The following PCSK1 variants were observed in gnomAD, a reference collection of about 807,000 sequenced individuals.
PCSK1 encodes the protein neuroendocrine convertase 1.
In PCSK1, 56 loss-of-function variants were observed where a neutral mutation model predicts 90.6. The observed-to-expected ratio is 0.62, with a 90% CI of 0.50 to 0.77. The LOEUF is 0.77. Ranked by LOEUF, PCSK1 falls within the 30% of genes least tolerant of loss-of-function variation. PCSK1 has a pLI of 0.00. For synonymous variants in PCSK1, 348 were observed against 342.4 expected (o/e 1.02, Z -0.18); for missense variants, 801 against 932.6 (o/e 0.86, Z 1.84).
chr5:96,395,177 T>C (rs925133244), intron 12 of PCSK1, 152 bp from the exon 13 acceptor site: 40 of 695,722 alleles, frequency 5.7e-5, no homozygotes, highest in Non-Finnish European at 9.0e-5. Flanking sequence ...ACTCTTGCTA[T>C]AAAAATTGAC....
intron 13 of PCSK1, among the ~76,000 whole-genome samples, chr5:96,394,049 G>T (rs969694013): frequency 6.6e-6 from 1 of 152,192 alleles, no homozygotes; most frequent in Non-Finnish European, 1.5e-5. Flanking sequence ...AATATAAATG[G>T]AACTAGAATT....
In PCSK1 at chr5:96,417,285, A is replaced by G. The variant is rs3811944; in HGVS notation, c.621-1164T>C. On this transcript the variant is annotated intron_variant, in intron 5 of 13. Coordinates refer to ENST00000311106, the MANE Select transcript of PCSK1 (RefSeq NM_000439.5). ...CACAAAATAAGATTCCTGCTCCTTCATGTTAATCCTGGCTAGGAATTCTAA... is the reference window on the plus strand; with the variant it reads ...CACAAAATAAGATTCCTGCTCCTTCGTGTTAATCCTGGCTAGGAATTCTAA... Among the ~76,000 whole-genome samples the G allele has an allele frequency of 2.6e-5, 4 of 152,304 alleles. No homozygotes were observed. The East Asian group carries it at 7.7e-4, about 29-fold the overall frequency.
chr5:96,407,098 A>G (rs1433773218), intron 9 of PCSK1, among the ~76,000 whole-genome samples: 5 of 152,230 alleles, frequency 3.3e-5, no homozygotes, highest in African/African-American at 1.2e-4. Flanking sequence ...CATATAATTA[A>G]TGTTTATCTA....
At chr5:96,414,502 A>G (rs965791601) in intron 6 of PCSK1, among the ~76,000 whole-genome samples, 2 of 152,212 alleles carry the variant, frequency 1.3e-5, no homozygotes, top group African/African-American at 4.8e-5. Context: ...TACACTGCCT[A>G]TAATATTTGT....
intron 3 of PCSK1, 74 bp from the exon 4 acceptor site, chr5:96,423,533 C>A: frequency 7.6e-7 from 1 of 1,311,314 alleles, no homozygotes; most frequent in Non-Finnish European, 1.1e-6. Context: ...TCAGTTCCAA[C>A]CTGGAGACCC....
Position 96,390,640 on chromosome 5 carries a change from A to G in PCSK1, c.*2361T>C, listed in dbSNP as rs1342269580. ...TCAGGAAAACTTTTGGTTCTTTAATATAATTTATTATGCTCTTTAAAATTC... is the reference window on the plus strand; with the variant it reads ...TCAGGAAAACTTTTGGTTCTTTAATGTAATTTATTATGCTCTTTAAAATTC... On this transcript the variant is annotated 3_prime_UTR_variant, in exon 14 of 14. Transcript: ENST00000311106. The G allele has an allele frequency of 6.6e-6, 1 of 152,616 alleles. No individual in the cohort carries two copies. The highest frequency in any genetic ancestry group is 2.4e-5 in the African/African-American group (1 of 41,466). The allele number at this position is 152,616 out of a possible 1,614,324, so 9.5% of individuals were successfully genotyped here.
At chr5:96,410,442 G>T (rs1242025418) in intron 8 of PCSK1, among the ~76,000 whole-genome samples, 1 of 151,972 alleles carries the variant, frequency 6.6e-6, no homozygotes, top group East Asian at 1.9e-4. Context: ...CTACAACCCT[G>T]AGATCTCCTT....
intron 6 of PCSK1, among the ~76,000 whole-genome samples, chr5:96,413,228 G>GT (rs1183325741): frequency 5.3e-5 from 8 of 152,244 alleles, no homozygotes; most frequent in African/African-American, 1.9e-4. Flanking sequence ...ACCCCCAAGG[G>GT]GAATCATTTT....
At chr5:96,407,102 TTATC>T (rs1760597434) in intron 9 of PCSK1, among the ~76,000 whole-genome samples, 1 of 152,214 alleles carries the variant, frequency 6.6e-6, no homozygotes, top group Non-Finnish European at 1.5e-5. Context: ...TAATTAATGT[TTATC>T]TAATTTGGGG....
At chr5:96,399,096 G>T (rs1760263081) in intron 10 of PCSK1, 60 bp from the exon 11 acceptor site, 2 of 1,201,346 alleles carry the variant, frequency 1.7e-6, no homozygotes, top group Non-Finnish European at 2.4e-6. Flanking sequence ...TGCATTTTAT[G>T]CATATCTGCA....
intron 6 of PCSK1, 66 bp downstream of exon 6, chr5:96,415,967 A>G (rs988749068): frequency 3.2e-5 from 33 of 1,015,826 alleles, no homozygotes; most frequent in Non-Finnish European, 4.9e-5. Context: ...CCCCTCCCCC[A>G]TTTACAATGG....
In PCSK1 at chr5:96,393,042, G is replaced by T; in HGVS notation, c.2221C>A (p.Leu741Met). Residue 741 changes from leucine to methionine, a missense_variant, in exon 14 of 14, where the codon CTG becomes ATG. By Grantham distance (15) the Leu-to-Met change is conservative. Transcript: ENST00000311106. ...TKPYKHRDDR[L>M]LQALVDILNE... ...AGAATGTCCACCAGAGCTTGAAGCAGCCGGTCGTCTCTGTGCTTGTAAGGT... is the reference window on the plus strand; with the variant it reads ...AGAATGTCCACCAGAGCTTGAAGCATCCGGTCGTCTCTGTGCTTGTAAGGT... The T allele has an allele frequency of 6.2e-7, 1 of 1,614,132 alleles. No homozygotes were observed.
chr5:96,427,134 G>A (rs115125878), intron 2 of PCSK1, among the ~76,000 whole-genome samples: 3,744 of 152,248 alleles, frequency 0.025, 153 homozygotes, highest in African/African-American at 0.086. Flanking sequence ...AAGATAGACT[G>A]TTGCTGCATT....
Position 96,421,958 on chromosome 5 carries a change from TA to T in PCSK1, c.544-3del. On this transcript the variant is annotated splice_region_variant and splice_polypyrimidine_tract_variant and intron_variant, in intron 4 of 13. Transcript: ENST00000311106. The stretch of plus-strand genomic sequence containing the variant: ...AAAATCATAGCTAGCCTCTGGATCC[TA>T]AAGAGACAACAAAATATAACACTGT... The T allele has an allele frequency of 8.4e-7, 1 of 1,192,722 alleles. No homozygotes were observed. Among genetic ancestry groups the T allele is most frequent in the Non-Finnish European group, 1.2e-6 (1 of 844,432 alleles). 73.9% of individuals were successfully genotyped at this position (1,192,722 alleles called of 1,614,324 possible). A position where few individuals can be genotyped will look rare whatever the true frequency, so the allele number is the denominator to read the frequency against.
Position 96,416,092 on chromosome 5 carries a change from G to A in PCSK1, c.650C>T (p.Ala217Val), listed in dbSNP as rs202203086. The change falls in exon 6 of 14, where the codon GCC becomes GTC. Residue 217 changes from alanine to valine, a missense_variant. Transcript: ENST00000311106. ...GCATTTGTGATTATTTGCTTGCATG[G>A]CAATTTCTCCTGCACATCTGGTCCC... ...KHGTRCAGEI[A>V]MQANNHKCGV... 192 of 1,612,254 alleles carry A rather than the reference G, an allele frequency of 1.2e-4. No homozygotes were observed. The highest frequency in any genetic ancestry group is 1.6e-4 in the Non-Finnish European group (187 of 1,178,334).
At chr5:96,415,331 C>T (rs887624810) in intron 6 of PCSK1, among the ~76,000 whole-genome samples, 2 of 152,112 alleles carry the variant, frequency 1.3e-5, no homozygotes, top group Non-Finnish European at 2.9e-5. Flanking sequence ...GTACTCAAGG[C>T]CTATCCAGTG....
intron 5 of PCSK1, among the ~76,000 whole-genome samples, chr5:96,420,879 G>A (rs566597172): frequency 2.6e-5 from 4 of 152,082 alleles, no homozygotes; most frequent in Non-Finnish European, 5.9e-5. Context: ...AGAGAATAAA[G>A]AAGCGCTTCA....
At chr5:96,406,961 T>G (rs755382688) in intron 9 of PCSK1, among the ~76,000 whole-genome samples, 5 of 152,178 alleles carry the variant, frequency 3.3e-5, no homozygotes, top group African/African-American at 7.2e-5. Flanking sequence ...TTTTCCTCTG[T>G]GTTAAGTATT....
chr5:96,398,848 A>G (rs1446624552), intron 11 of PCSK1, 31 bp downstream of exon 11: 18 of 1,576,938 alleles, frequency 1.1e-5, no homozygotes, highest in Non-Finnish European at 1.4e-5. Flanking sequence ...ACACTTAAAA[A>G]TATAAATGGC....
Sources: gnomAD v4.1 joint callset for allele counts (sites outside exome capture counted in the v4.1 genomes callset) on GRCh38, gnomAD v4.1.1 for gene constraint, MANE v1.5 for transcripts, NCBI Gene and HGNC (gene_info 2026-07-23, HGNC 2026-07-21) for gene names.